The following THSD7B variants were observed in gnomAD, a reference collection of about 807,000 sequenced individuals.
THSD7B encodes the protein thrombospondin type-1 domain-containing protein 7B.
THSD7B carries 138 observed loss-of-function variants against 213.6 expected under a neutral mutation model. The ratio of observed to expected loss-of-function variants is 0.65; its 90% confidence interval spans 0.56 to 0.74. THSD7B has a LOEUF of 0.74. Ranked by LOEUF, THSD7B falls within the 30% of genes least tolerant of loss-of-function variation. The pLI, the probability that THSD7B is intolerant of heterozygous loss-of-function variation, is 0.00. For missense variants in THSD7B, 1,931 were observed against 1,991.5 expected, an observed-to-expected ratio of 0.97 and a Z score of 0.58; for synonymous variants, 742 against 687.0, an observed-to-expected ratio of 1.08 and a Z score of -1.25.
At position 137,620,470 on chromosome 2, in the gene THSD7B, A is replaced by G. The variant is rs1682497277; in HGVS notation, c.3682-139A>G. ...TTTTCTATGATTGTCACCAATTTATATAAGAAAGGATATACTTCCCCACTG... is the reference window on the plus strand; with the variant it reads ...TTTTCTATGATTGTCACCAATTTATGTAAGAAAGGATATACTTCCCCACTG... On this transcript the variant is annotated intron_variant, in intron 19 of 27. Coordinates refer to ENST00000409968, the MANE Select transcript of THSD7B (RefSeq NM_001316349.2). 8.4e-6 allele frequency: 5 copies of G among 593,830 alleles called. No homozygotes were observed. In the South Asian group the frequency reaches 9.4e-5, roughly 11 times the overall value. 36.8% of individuals were successfully genotyped at this position (593,830 alleles called of 1,614,324 possible).
chr2:136,982,751 T>A (rs1685604899), intron 2 of THSD7B, among the ~76,000 whole-genome samples: 2 of 152,194 alleles, frequency 1.3e-5, no homozygotes, highest in African/African-American at 4.8e-5. Context: ...TTGGGCTGGA[T>A]ACATGGTTCC....
chr2:137,473,410 G>A (rs112657821), intron 15 of THSD7B, among the ~76,000 whole-genome samples: 4,529 of 151,882 alleles, frequency 0.03, 242 homozygotes, highest in African/African-American at 0.1. Context: ...GCATTTCACC[G>A]TGTTAGCCAG....
At chr2:136,780,888 C>T (rs924863510) in intron 1 of THSD7B, among the ~76,000 whole-genome samples, 2 of 152,178 alleles carry the variant, frequency 1.3e-5, no homozygotes, top group African/African-American at 4.8e-5. Context: ...GCCCACACTT[C>T]CACCCATAAT....
At chr2:137,668,110 T>C (rs1683486498) in intron 27 of THSD7B, among the ~76,000 whole-genome samples, 1 of 152,194 alleles carries the variant, frequency 6.6e-6, no homozygotes, top group Admixed American at 6.5e-5. Flanking sequence ...TTGCATGTTT[T>C]GATTTCGATC....
chr2:136,849,427 G>C (rs1048194913), intron 1 of THSD7B, among the ~76,000 whole-genome samples: 21 of 152,150 alleles, frequency 1.4e-4, no homozygotes, highest in African/African-American at 5.1e-4. Flanking sequence ...AAGGCACCAT[G>C]TTGCTTCTCT....
intron 14 of THSD7B, among the ~76,000 whole-genome samples, chr2:137,413,659 G>A (rs1686724099): frequency 1.3e-5 from 2 of 152,186 alleles, no homozygotes; most frequent in African/African-American, 4.8e-5. Flanking sequence ...TGTGGTTTGA[G>A]TGTAGAGAGT....
At chr2:136,906,585 A>G (rs1323581531) in intron 2 of THSD7B, 7 of 152,176 alleles carry the variant, frequency 4.6e-5, no homozygotes, top group African/African-American at 1.7e-4. Context: ...GGATTCATCA[A>G]AATAGTGATT....
intron 4 of THSD7B, among the ~76,000 whole-genome samples, chr2:137,112,415 T>C (rs922128885): frequency 1.3e-5 from 2 of 152,188 alleles, no homozygotes; most frequent in African/African-American, 4.8e-5. Flanking sequence ...ATTTATCATT[T>C]GCCAGTGAAT....
At chr2:137,116,759 T>C (rs1004327055) in intron 5 of THSD7B, among the ~76,000 whole-genome samples, 6 of 152,178 alleles carry the variant, frequency 3.9e-5, no homozygotes, top group African/African-American at 1.4e-4. Context: ...AGTGGAAGTC[T>C]GGTGTTCTAG....
intron 15 of THSD7B, among the ~76,000 whole-genome samples, chr2:137,485,660 A>G (rs1340393969): frequency 6.6e-6 from 1 of 152,102 alleles, no homozygotes; most frequent in Non-Finnish European, 1.5e-5. Context: ...CCACAAAGAT[A>G]CTCCTCGAGA....
intron 2 of THSD7B, among the ~76,000 whole-genome samples, chr2:136,915,896 A>G (rs186690011): frequency 2.6e-5 from 4 of 152,354 alleles, no homozygotes; most frequent in East Asian, 3.9e-4. Context: ...TTTCAGGTCT[A>G]TAAGTTTCAG....
intron 3 of THSD7B, among the ~76,000 whole-genome samples, chr2:137,071,501 G>C (rs536948090): frequency 1.3e-5 from 2 of 152,092 alleles, no homozygotes; most frequent in African/African-American, 4.8e-5. Flanking sequence ...CTCCCATTTT[G>C]TAGGTTGCCT....
intron 15 of THSD7B, among the ~76,000 whole-genome samples, chr2:137,495,517 T>G (rs140122517): frequency 2.0e-5 from 3 of 152,280 alleles, no homozygotes; most frequent in Non-Finnish European, 4.4e-5. Context: ...AAATAGCCAC[T>G]TCCAAGGGTA....
chr2:137,122,401 G>T (rs1688561289), intron 5 of THSD7B, among the ~76,000 whole-genome samples: 1 of 152,126 alleles, frequency 6.6e-6, no homozygotes, highest in Non-Finnish European at 1.5e-5. Context: ...TTTTACCTGG[G>T]CCTTAAAGGA....
intron 15 of THSD7B, among the ~76,000 whole-genome samples, chr2:137,540,426 C>T (rs1159524819): frequency 1.3e-5 from 2 of 151,626 alleles, no homozygotes; most frequent in Admixed American, 6.6e-5. Context: ...TTTTAACTTG[C>T]CCTGTTTCCA....
At chr2:136,876,875 CAT>C (rs1683533648) in intron 1 of THSD7B, among the ~76,000 whole-genome samples, 1 of 152,140 alleles carries the variant, frequency 6.6e-6, no homozygotes, top group Non-Finnish European at 1.5e-5. Flanking sequence ...TGGGTAAACA[CAT>C]GTGTTTGTGG....
chr2:137,285,830 G>A (rs146724613), intron 12 of THSD7B, among the ~76,000 whole-genome samples: 32 of 152,066 alleles, frequency 2.1e-4, no homozygotes, highest in African/African-American at 6.7e-4. Flanking sequence ...ATGGCTGGGC[G>A]CAGTGGCTCA....
chr2:137,608,327 T>C (rs1420460605), intron 17 of THSD7B, among the ~76,000 whole-genome samples: 1 of 152,108 alleles, frequency 6.6e-6, no homozygotes, highest in Admixed American at 6.6e-5. Flanking sequence ...GCTTTTCAGA[T>C]TACAATAACT....
intron 5 of THSD7B, among the ~76,000 whole-genome samples, chr2:137,146,209 T>C (rs1558937671): frequency 6.6e-6 from 1 of 152,122 alleles, no homozygotes; most frequent in Non-Finnish European, 1.5e-5. Flanking sequence ...TAAAGTATTA[T>C]CTTTAATACA....
Sources: gnomAD v4.1 joint callset for allele counts (sites outside exome capture counted in the v4.1 genomes callset) on GRCh38, gnomAD v4.1.1 for gene constraint, MANE v1.5 for transcripts, NCBI Gene and HGNC (gene_info 2026-07-23, HGNC 2026-07-21) for gene names.